The following ASTN2 variants were observed in gnomAD, a reference collection of about 807,000 sequenced individuals.
ASTN2 encodes the protein astrotactin 2, also known as astrotactin-2.
ASTN2 carries 54 observed loss-of-function variants against 139.8 expected under a neutral mutation model. The observed-to-expected ratio is 0.39, with a 90% CI of 0.31 to 0.48. The LOEUF (loss-of-function observed/expected upper bound fraction) is 0.48. Ranked by LOEUF, ASTN2 falls within the 20% of genes least tolerant of loss-of-function variation. The pLI is 0.95. For synonymous variants in ASTN2, 756 were observed against 719.5 expected (o/e 1.05, Z -0.81); for missense variants, 1,565 against 1,725.1 (o/e 0.91, Z 1.64).
In ASTN2 at chr9:117,272,584, G is replaced by A. The variant is rs112154805; in HGVS notation, c.630+18742C>T. Among the ~76,000 whole-genome samples the A allele has an allele frequency of 4.5e-3, 689 of 152,254 alleles. 5 individuals are homozygous for A. The highest frequency in any genetic ancestry group is 0.016 in the African/African-American group (661 of 41,552). On this transcript the variant is annotated intron_variant, in intron 2 of 22. Coordinates refer to ENST00000313400, the MANE Select transcript of ASTN2 (RefSeq NM_001365068.1). ...ACTGTTATGCTGTTTCCCTTTTAAA[G>A]TGGAATGCTTTTAACAGCACCCAAG...
intron 20 of ASTN2, among the ~76,000 whole-genome samples, chr9:116,482,475 T>C (rs1849202691): frequency 6.6e-6 from 1 of 152,148 alleles, no homozygotes; most frequent in African/African-American, 2.4e-5. Context: ...ATCCAGAAAG[T>C]CCTGGTGGCA....
chr9:116,803,329 A>G (rs201939585), intron 13 of ASTN2, among the ~76,000 whole-genome samples: 9 of 108,160 alleles, frequency 8.3e-5, no homozygotes, highest in Non-Finnish European at 1.9e-4. Context: ...TTTTTTTTTT[A>G]AATAGAGACA....
rs918500254 is a variant in ASTN2, at chr9:117,308,814, G to A, written c.443-17301C>T. 7.2e-5 allele frequency among the ~76,000 whole-genome samples: 11 copies of A among 152,070 alleles called. No individual in the cohort carries two copies. The South Asian group carries it at 8.3e-4, about 11-fold the overall frequency. ...AACACTGAGCCCCTTCTCTGTGCTG[G>A]ACTTCATAGGAGATGCTGGCAGTGA... is the stretch of plus-strand genomic sequence containing the variant. On this transcript the variant is annotated intron_variant, in intron 1 of 22. Transcript: ENST00000313400.
intron 15 of ASTN2, 111 bp downstream of exon 15, chr9:116,728,881 T>G: frequency 1.2e-6 from 1 of 862,038 alleles, no homozygotes; most frequent in Non-Finnish European, 1.8e-6. Flanking sequence ...GGATGCATCC[T>G]CATTTCCTCA....
Position 117,202,025 on chromosome 9 carries a change from G to A in ASTN2, c.1015+12333C>T, listed in dbSNP as rs535389020. Among the ~76,000 whole-genome samples, 25 of 152,272 alleles carry A rather than the reference G, an allele frequency of 1.6e-4. No homozygotes were observed. In the South Asian group the frequency reaches 4.1e-3, roughly 25 times the overall value. On this transcript the variant is annotated intron_variant, in intron 3 of 22. Coordinates refer to ENST00000313400, the MANE Select transcript of ASTN2 (RefSeq NM_001365068.1). ...TTGTTTTATGAATCTGGGTGCTCCT[G>A]TATTGGGTGCATATATATTCAGAAT...
At chr9:116,730,890 C>G (rs1828759515) in intron 14 of ASTN2, among the ~76,000 whole-genome samples, 1 of 152,170 alleles carries the variant, frequency 6.6e-6, no homozygotes, top group South Asian at 2.1e-4. Context: ...TTCCTGGATT[C>G]ATGCCTGAAA....
intron 5 of ASTN2, among the ~76,000 whole-genome samples, chr9:117,059,923 G>A (rs1377853187): frequency 2.0e-5 from 3 of 152,188 alleles, no homozygotes; most frequent in South Asian, 2.1e-4. Flanking sequence ...TGGGAACAGT[G>A]GTTTCCTAGA....
intron 19 of ASTN2, among the ~76,000 whole-genome samples, chr9:116,509,064 T>A (rs1413427556): frequency 6.6e-6 from 1 of 152,114 alleles, no homozygotes; most frequent in Non-Finnish European, 1.5e-5. Context: ...AACGTGCAGG[T>A]TAGTTACATA....
intron 17 of ASTN2, among the ~76,000 whole-genome samples, chr9:116,632,248 A>AGAAAGAAAGAAAGAAAGAAAGAAG (rs1212577564): frequency 1.1e-5 from 1 of 91,090 alleles, no homozygotes; most frequent in Non-Finnish European, 2.2e-5. Flanking sequence ...AAAGAAAGAA[A>AGAAAGAAAGAAAGAAAGAAAGAAG]GAAGGAAAGA....
At chr9:116,598,298 A>C (rs1284453973) in intron 19 of ASTN2, among the ~76,000 whole-genome samples, 2 of 152,206 alleles carry the variant, frequency 1.3e-5, no homozygotes, top group East Asian at 3.9e-4. Flanking sequence ...GATACTCCTG[A>C]AGGCAGGTGG....
At chr9:117,137,405 G>C (rs938817771) in intron 4 of ASTN2, among the ~76,000 whole-genome samples, 4 of 152,132 alleles carry the variant, frequency 2.6e-5, no homozygotes, top group Admixed American at 2.6e-4. Flanking sequence ...GGCAGCCCAC[G>C]GCAACCTCAA....
chr9:117,048,006 A>G (rs1001922881), intron 5 of ASTN2, among the ~76,000 whole-genome samples: 4 of 152,252 alleles, frequency 2.6e-5, no homozygotes, highest in African/African-American at 4.8e-5. Flanking sequence ...ATTTTTCGCT[A>G]TGAGGAAACT....
intron 3 of ASTN2, among the ~76,000 whole-genome samples, chr9:117,188,454 G>A (rs1831263837): frequency 6.6e-6 from 1 of 152,078 alleles, no homozygotes; most frequent in Non-Finnish European, 1.5e-5. Flanking sequence ...GAGACATAGT[G>A]GGGCTATCAT....
At chr9:116,687,213 T>C (rs1860281024) in intron 16 of ASTN2, 4 of 1,007,340 alleles carry the variant, frequency 4.0e-6, no homozygotes, top group South Asian at 4.2e-5. Context: ...CCCGCGCGCT[T>C]GGGGCCAGCT....
chr9:116,923,125 T>A (rs1588414353), intron 10 of ASTN2, among the ~76,000 whole-genome samples: 1 of 152,360 alleles, frequency 6.6e-6, no homozygotes, highest in East Asian at 1.9e-4. Context: ...AATCTCAACC[T>A]TGTCCCCTTC....
intron 5 of ASTN2, among the ~76,000 whole-genome samples, chr9:117,093,321 G>T (rs931817138): frequency 6.6e-6 from 1 of 152,078 alleles, no homozygotes; most frequent in Non-Finnish European, 1.5e-5. Context: ...TGCCTTGCAG[G>T]TTTCAAGTAA....
chr9:116,461,242 T>C (rs1244875934), intron 20 of ASTN2, among the ~76,000 whole-genome samples: 1 of 151,574 alleles, frequency 6.6e-6, no homozygotes, highest in Non-Finnish European at 1.5e-5. Flanking sequence ...ATTATATTTA[T>C]TGATTTTATT....
At position 116,669,501 on chromosome 9, in the gene ASTN2, C is replaced by T. The variant is rs142794045; in HGVS notation, c.2807-17708G>A. Among the ~76,000 whole-genome samples, 1,005 of 152,344 alleles carry T rather than the reference C, an allele frequency of 6.6e-3. 11 individuals carry two copies. The highest frequency in any genetic ancestry group is 0.023 in the African/African-American group (949 of 41,576). On this transcript the variant is annotated intron_variant, in intron 16 of 22. Transcript: ENST00000313400. Reference sequence around the variant, plus strand: ...CAGCAATGAACAAGAATTCCTGTGGCTCTGAATCATTGTCAGCACTTGATT... The same window carrying T: ...CAGCAATGAACAAGAATTCCTGTGGTTCTGAATCATTGTCAGCACTTGATT...
intron 4 of ASTN2, among the ~76,000 whole-genome samples, chr9:117,096,746 G>A (rs1828849502): frequency 1.3e-5 from 2 of 152,178 alleles, no homozygotes; most frequent in African/African-American, 4.8e-5. Context: ...AGGAATATGG[G>A]GGAGTGCAAT....
Sources: allele counts gnomAD v4.1 joint callset (sites outside exome capture counted in the v4.1 genomes callset), GRCh38; gene constraint gnomAD v4.1.1; transcripts MANE v1.5; gene names NCBI Gene and HGNC (gene_info 2026-07-23, HGNC 2026-07-21).